Variants in MYO5B observed in about 807,000 individuals in gnomAD.
MYO5B encodes myosin VB.
Under a neutral mutation model 229.3 loss-of-function variants are expected in MYO5B, and 143 were observed. The ratio of observed to expected loss-of-function variants is 0.62; its 90% CI spans 0.54 to 0.72. The LOEUF (loss-of-function observed/expected upper bound fraction) is 0.72, where lower values mean the gene tolerates loss of function less well. Among genes scored for constraint, MYO5B ranks in the 30% least tolerant of loss-of-function variants. The pLI is 0.00. For synonymous variants in MYO5B, 918 were observed against 885.2 expected (o/e 1.04, Z -0.66); for missense variants, 2,321 against 2,331.0 (o/e 1.00, Z 0.09).
chr18:49,861,144 C>G (rs1823255566), intron 29 of MYO5B, among the ~76,000 whole-genome samples: 1 of 152,242 alleles, frequency 6.6e-6, no homozygotes, highest in African/African-American at 2.4e-5. Context: ...CTTTTCTGTA[C>G]TTAACTCAGT....
In MYO5B at chr18:49,837,686, T is replaced by C. The variant is rs75537257; in HGVS notation, c.4969A>G (p.Ile1657Val). The C allele has an allele frequency of 7.4e-6, 12 of 1,614,026 alleles. No individual in the cohort carries two copies. The highest frequency in any genetic ancestry group is 1.3e-5 in the African/African-American group (1 of 74,922). ...TGAAAGGCATTCATCTGGCGGATGA[T>C]AGCTTCCAGGCAGTATGAGTTATCC... ...DGDNSYCLEA[I>V]IRQMNAFHTV... The change falls in exon 37 of 40, where the codon ATC becomes GTC. Residue 1657 changes from isoleucine (I) to valine (V), a missense_variant. Physicochemically the swap from Ile to Val is conservative, Grantham distance 29 (BLOSUM62 3). Coordinates refer to ENST00000285039, the MANE Select transcript of MYO5B (RefSeq NM_001080467.3).
chr18:50,063,985 A>T (rs144025994), intron 1 of MYO5B: 1 of 152,394 alleles, frequency 6.6e-6, no homozygotes, highest in Admixed American at 6.5e-5. Context: ...AACACTGCTG[A>T]ATCATTTTAT....
rs1432689129 is a variant in MYO5B at position 49,880,356 on chromosome 18, TG to T, written c.3130+14del. 1 of 1,608,178 alleles carries T rather than the reference TG, an allele frequency of 6.2e-7. No individual in the cohort carries two copies. The highest frequency in any genetic ancestry group is 8.5e-7 in the Non-Finnish European group (1 of 1,174,578). ...ATTAAAACCCCAAATAAAACTCAAG[TG>T]CTTTGGTACTTACCTTTAGACTGGC... is the stretch of plus-strand genomic sequence containing the variant. On this transcript the variant is annotated intron_variant, in intron 23 of 39. Transcript: ENST00000285039.
intron 18 of MYO5B, among the ~76,000 whole-genome samples, chr18:49,909,128 T>G (rs561354105): frequency 6.6e-6 from 1 of 152,236 alleles, no homozygotes; most frequent in Non-Finnish European, 1.5e-5. Flanking sequence ...GGAACTGGCA[T>G]GTGCCCCTCT....
chr18:49,957,015 A>C (rs912271341), intron 12 of MYO5B, among the ~76,000 whole-genome samples: 1 of 152,090 alleles, frequency 6.6e-6, no homozygotes, highest in African/African-American at 2.4e-5. Context: ...AACCTTGTGA[A>C]CATACTAAAA....
intron 1 of MYO5B, among the ~76,000 whole-genome samples, chr18:50,150,694 G>A (rs1019223944): frequency 6.6e-6 from 1 of 152,196 alleles, no homozygotes; most frequent in African/African-American, 2.4e-5. Context: ...GGGATTGGGG[G>A]AGTGGGGAGG....
chr18:50,000,631 G>A (rs1240557748), intron 5 of MYO5B, among the ~76,000 whole-genome samples: 1 of 152,220 alleles, frequency 6.6e-6, no homozygotes, highest in Non-Finnish European at 1.5e-5. Flanking sequence ...CTGGCCTGTA[G>A]TTGTGTCAAC....
intron 12 of MYO5B, among the ~76,000 whole-genome samples, chr18:49,957,368 G>T (rs560265878): frequency 7.2e-4 from 109 of 151,798 alleles, no homozygotes; most frequent in African/African-American, 2.4e-3. Flanking sequence ...CCAACCAGGC[G>T]CAATGGCTCA....
At chr18:49,981,186 A>G (rs547876862) in intron 8 of MYO5B, among the ~76,000 whole-genome samples, 2 of 152,376 alleles carry the variant, frequency 1.3e-5, no homozygotes, top group African/African-American at 4.8e-5. Flanking sequence ...TATACGAATC[A>G]TCAAAGGCAT....
rs1477484243 is a variant in MYO5B at position 50,055,329 on chromosome 18, T to C, written c.77A>G (p.Glu26Gly). 6.2e-6 allele frequency: 10 copies of C among 1,605,420 alleles called. No individual in the cohort carries two copies. Among genetic ancestry groups the C allele is most frequent in the Non-Finnish European group, 6.8e-6 (8 of 1,175,612 alleles). Residue 26 changes from glutamate (E) to glycine (G), a missense_variant, in exon 2 of 40, where the codon GAG (glutamate) becomes GGG (glycine). By Grantham distance (98) the Glu-to-Gly change is moderately conservative (BLOSUM62 -2). This residue lies in a region of MYO5B where 2,113 missense variants were observed against 2,044.7 expected (regional missense o/e 1.03). Coordinates refer to ENST00000285039, the MANE Select transcript of MYO5B (RefSeq NM_001080467.3). Reference sequence around the variant, plus strand: ...TCCTTCTTTGTAGTCCTTGGTTAACTCAGCTGAGCGCCATACCTCATCAGG... The same window carrying C: ...TCCTTCTTTGTAGTCCTTGGTTAACCCAGCTGAGCGCCATACCTCATCAGG... ...PDPDEVWRSA[E>G]LTKDYKEGDK...
chr18:49,868,489 C>T (rs564558200), intron 27 of MYO5B, among the ~76,000 whole-genome samples: 65 of 152,336 alleles, frequency 4.3e-4, no homozygotes, highest in African/African-American at 1.4e-3. Flanking sequence ...TGGGTACCAT[C>T]TCCTGATTTG....
intron 14 of MYO5B, among the ~76,000 whole-genome samples, chr18:49,952,661 G>T (rs28472691): frequency 0.13 from 19,611 of 152,054 alleles, 1,366 homozygotes; most frequent in South Asian, 0.22. Context: ...TCTACCTGTA[G>T]AATGGACACA....
intron 1 of MYO5B, among the ~76,000 whole-genome samples, chr18:50,159,210 C>G (rs17660456): frequency 0.07 from 10,613 of 152,232 alleles, 479 homozygotes; most frequent in Middle Eastern, 0.15. Context: ...CAGGGAAGAT[C>G]TCCTGACTCC....
intron 1 of MYO5B, among the ~76,000 whole-genome samples, chr18:50,166,462 C>G (rs2032853868): frequency 6.6e-6 from 1 of 152,110 alleles, no homozygotes; most frequent in Admixed American, 6.5e-5. Flanking sequence ...ATCCATCATC[C>G]CAATAACACA....
chr18:49,891,772 A>G (rs2024717688), intron 22 of MYO5B, among the ~76,000 whole-genome samples: 1 of 152,198 alleles, frequency 6.6e-6, no homozygotes, highest in African/African-American at 2.4e-5. Context: ...CTCTACCTCT[A>G]TTTGGAGAAA....
intron 1 of MYO5B, among the ~76,000 whole-genome samples, chr18:50,157,252 C>G (rs2032695054): frequency 6.6e-6 from 1 of 151,962 alleles, no homozygotes; most frequent in Non-Finnish European, 1.5e-5. Flanking sequence ...ATTACAGGTG[C>G]CTGCCACCAT....
rs960482475 is a variant in MYO5B at position 49,943,359 on chromosome 18, TA to T, written c.1753-5963del. 2.2e-3 allele frequency among the ~76,000 whole-genome samples: 329 copies of T among 150,604 alleles called. 3 individuals carry two copies. The highest frequency in any genetic ancestry group is 0.017 in the Admixed American group (252 of 15,108). On this transcript the variant is annotated intron_variant, in intron 14 of 39. Coordinates refer to ENST00000285039, the MANE Select transcript of MYO5B (RefSeq NM_001080467.3). ...TGTACCCTAAAACTTAAAGTATAAT[TA>T]AAAAAAAAATTTTCCTCCCTCTCTT...
intron 4 of MYO5B, among the ~76,000 whole-genome samples, chr18:50,015,943 T>A (rs1212120691): frequency 6.6e-6 from 1 of 152,222 alleles, no homozygotes; most frequent in Non-Finnish European, 1.5e-5. Flanking sequence ...CTGGTCATCT[T>A]GAGCACTATG....
chr18:50,173,924 T>C (rs1452946650), intron 1 of MYO5B, among the ~76,000 whole-genome samples: 1 of 152,136 alleles, frequency 6.6e-6, no homozygotes, highest in African/African-American at 2.4e-5. Context: ...AGATACCTGG[T>C]AAAACATTCT....
Sources: gnomAD v4.1 joint callset for allele counts (sites outside exome capture counted in the v4.1 genomes callset) on GRCh38, gnomAD v4.1.1 for gene constraint, gnomAD v4.1.1 regional missense constraint, MANE v1.5 for transcripts, NCBI Gene and HGNC (gene_info 2026-07-23, HGNC 2026-07-21) for gene names.